SUGP1: variants seen among roughly 807,000 people sequenced by gnomAD.
The protein encoded by SUGP1 is SURP and G-patch domain-containing protein 1.
SUGP1 carries 34 observed loss-of-function variants against 76.5 expected under a neutral mutation model. The observed-to-expected ratio is 0.44, with a 90% CI of 0.34 to 0.59. The LOEUF is 0.59. Among genes scored for constraint, SUGP1 ranks in the 20% least tolerant of loss-of-function variants. The pLI, the probability that SUGP1 is intolerant of heterozygous loss-of-function variation, is 0.01. For missense variants in SUGP1, 752 were observed against 851.7 expected (o/e 0.88, Z 1.46); for synonymous variants, 326 against 326.2 (o/e 1.00, Z 0.01).
chr19:19,299,868 C>T (rs865999966), intron 7 of SUGP1, among the ~76,000 whole-genome samples: 59 of 151,472 alleles, frequency 3.9e-4, no homozygotes, highest in African/African-American at 1.3e-3. Flanking sequence ...CTTGGCTCAC[C>T]GCAACCTCCG....
Position 19,316,514 on chromosome 19 carries a change from G to A in SUGP1, c.114C>T (p.Leu38=), listed in dbSNP as rs149607008. Residue 38 remains leucine (L), a synonymous_variant, in exon 2 of 14, where the codon CTC becomes CTT. Transcript: ENST00000247001. Reference sequence around the variant, plus strand: ...CAATTTCCCGTTTCTTCTGAGCGATGAGCTCTTCCTGGTGAAGGATGTTCA... The same window carrying A: ...CAATTTCCCGTTTCTTCTGAGCGATAAGCTCTTCCTGGTGAAGGATGTTCA... The part of the protein sequence containing the change: ...MNMNILHQEE[L]IAQKKREIEA... The A allele has an allele frequency of 3.1e-3, 5,052 of 1,613,888 alleles. 10 individuals carry two copies. The highest frequency in any genetic ancestry group is 3.9e-3 in the Non-Finnish European group (4,602 of 1,180,000).
intron 8 of SUGP1, among the ~76,000 whole-genome samples, chr19:19,290,627 G>A (rs1387357271): frequency 6.6e-6 from 1 of 151,936 alleles, no homozygotes; most frequent in Non-Finnish European, 1.5e-5. Context: ...CCGGATAAAA[G>A]AGCAAGACTC....
chr19:19,293,403 G>A (rs2061200864), intron 8 of SUGP1, among the ~76,000 whole-genome samples: 1 of 151,516 alleles, frequency 6.6e-6, no homozygotes, highest in Admixed American at 6.6e-5. Flanking sequence ...GGCCAACATG[G>A]TGAAACCCTG....
At position 19,297,679 on chromosome 19, in the gene SUGP1, C is replaced by T. The variant is rs552395110; in HGVS notation, c.888-335G>A. Among the ~76,000 whole-genome samples, 3 of 152,326 alleles carry T rather than the reference C, an allele frequency of 2.0e-5. No homozygotes were observed. In the East Asian group the frequency reaches 5.8e-4, roughly 29 times the overall value. On this transcript the variant is annotated intron_variant, in intron 7 of 13. Coordinates refer to ENST00000247001, the MANE Select transcript of SUGP1 (RefSeq NM_172231.4). ...TCCCCAGGGCCTGGGAAAAGTGAGA[C>T]ATTCACACCAAAAAATCTCAGATTG...
chr19:19,287,899 TAC>T (rs978116013), intron 8 of SUGP1, among the ~76,000 whole-genome samples: 2 of 152,144 alleles, frequency 1.3e-5, no homozygotes, highest in Non-Finnish European at 2.9e-5. Context: ...CCCATAAAGT[TAC>T]AGAGTGCCTG....
intron 8 of SUGP1, among the ~76,000 whole-genome samples, chr19:19,282,127 G>A (rs912202629): frequency 2.9e-4 from 44 of 151,986 alleles, no homozygotes; most frequent in African/African-American, 9.7e-4. Context: ...CTACAGGCAC[G>A]TGGCACCACA....
intron 4 of SUGP1, 45 bp downstream of exon 4, chr19:19,305,801 TAGA>T (rs766817330): frequency 6.5e-7 from 1 of 1,535,374 alleles, no homozygotes. Flanking sequence ...TCCCACCTGC[TAGA>T]GCACGGGCAC....
intron 9 of SUGP1, 130 bp from the exon 10 acceptor site, chr19:19,279,520 T>A: frequency 5.0e-6 from 5 of 994,566 alleles, no homozygotes; most frequent in Middle Eastern, 3.3e-4. Flanking sequence ...TGGGCAGGAC[T>A]GGAGCAAGGA....
At chr19:19,308,625 G>T (rs945274758) in intron 3 of SUGP1, among the ~76,000 whole-genome samples, 1 of 152,272 alleles carries the variant, frequency 6.6e-6, no homozygotes, top group Non-Finnish European at 1.5e-5. Context: ...CTCTGATGCA[G>T]CTCAGGTGTC....
chr19:19,298,939 G>C (rs1276765553), intron 7 of SUGP1, among the ~76,000 whole-genome samples: 1 of 152,174 alleles, frequency 6.6e-6, no homozygotes, highest in East Asian at 1.9e-4. Context: ...CCATCTCGGG[G>C]AGGGGGTTAC....
intron 1 of SUGP1, among the ~76,000 whole-genome samples, chr19:19,318,115 T>TTTCTTTC (rs1319756129): frequency 7.4e-6 from 1 of 135,192 alleles, no homozygotes; most frequent in African/African-American, 2.8e-5. Flanking sequence ...CCAGCCTTCT[T>TTTCTTTC]TTTTTTTTTT....
At chr19:19,280,511 C>T in intron 8 of SUGP1, 1 of 548,250 alleles carries the variant, frequency 1.8e-6, no homozygotes, top group South Asian at 2.3e-5. Flanking sequence ...ACCTCTCCAG[C>T]CAGGCTCTAC....
intron 8 of SUGP1, among the ~76,000 whole-genome samples, chr19:19,285,723 A>G (rs2061134362): frequency 6.6e-6 from 1 of 151,614 alleles, no homozygotes; most frequent in African/African-American, 2.4e-5. Flanking sequence ...ACACCACCAC[A>G]CCCGGCTAAT....
chr19:19,277,175 G>C, intron 12 of SUGP1, 99 bp from the exon 13 acceptor site: 1 of 1,428,826 alleles, frequency 7.0e-7, no homozygotes, highest in Non-Finnish European at 9.4e-7. Context: ...CGCGGGTGCA[G>C]GGCTGGGCTG....
chr19:19,306,144 C>T, intron 3 of SUGP1, 68 bp from the exon 4 acceptor site: 1 of 1,413,610 alleles, frequency 7.1e-7, no homozygotes, highest in Non-Finnish European at 9.4e-7. Flanking sequence ...CCGACCTAAC[C>T]TAGGTGCTGT....
Position 19,302,253 on chromosome 19 carries a change from GGC to G in SUGP1, c.887+10_887+11del. The G allele has an allele frequency of 1.9e-6, 3 of 1,613,906 alleles. No homozygotes were observed. Among genetic ancestry groups the G allele is most frequent in the Non-Finnish European group, 2.5e-6 (3 of 1,179,874 alleles). On this transcript the variant is annotated intron_variant, in intron 7 of 13. Coordinates refer to ENST00000247001, the MANE Select transcript of SUGP1 (RefSeq NM_172231.4). ...AGGGTGACGGTCACCTCCCTGGCAG[GGC>G]CCCCCTTACCTGAATGCCTGGTTCT...
chr19:19,290,733 A>G (rs2061175180), intron 8 of SUGP1, among the ~76,000 whole-genome samples: 1 of 152,234 alleles, frequency 6.6e-6, no homozygotes, highest in Non-Finnish European at 1.5e-5. Context: ...TATTTCTGAA[A>G]GTAGGGTTTG....
intron 9 of SUGP1, 22 bp downstream of exon 9, chr19:19,280,163 C>T: frequency 1.2e-6 from 2 of 1,609,348 alleles, no homozygotes; most frequent in East Asian, 2.2e-5. Flanking sequence ...ATGTCCCCGT[C>T]CCCTTGTCCC....
At position 19,304,186 on chromosome 19, in the gene SUGP1, T is replaced by G. The variant is rs1180848650; in HGVS notation, c.539-339A>C. On this transcript the variant is annotated intron_variant, in intron 4 of 13. Coordinates refer to ENST00000247001, the MANE Select transcript of SUGP1 (RefSeq NM_172231.4). ...CCAGTTTTCAGCATAATACATCGGT[T>G]CCCTTTCATCCTTCAAAGATGACAC... 2.1e-5 allele frequency: 11 copies of G among 513,950 alleles called. No homozygotes were observed. In the Admixed American group the frequency reaches 3.4e-4, roughly 16 times the overall value. 31.8% of individuals were successfully genotyped at this position (513,950 alleles called of 1,614,324 possible).
Sources: gnomAD v4.1 joint callset for allele counts (sites outside exome capture counted in the v4.1 genomes callset) on GRCh38, gnomAD v4.1.1 for gene constraint, MANE v1.5 for transcripts, NCBI Gene and HGNC (gene_info 2026-07-23, HGNC 2026-07-21) for gene names.